The following DLGAP1 variants were observed in gnomAD, a reference collection of about 807,000 sequenced individuals.
DLGAP1 encodes the protein DLG associated protein 1.
Under a neutral mutation model 90.8 loss-of-function variants are expected in DLGAP1, and 11 were observed. The observed-to-expected ratio is 0.12, with a 90% CI of 0.08 to 0.20. DLGAP1 has a LOEUF of 0.20. DLGAP1 is among the 10% of genes least tolerant of loss of function. The pLI is 1.00. For missense variants in DLGAP1, 1,050 were observed against 1,333.8 expected, an observed-to-expected ratio of 0.79 and a Z score of 3.31; for synonymous variants, 558 against 540.7, an observed-to-expected ratio of 1.03 and a Z score of -0.44.
Position 4,298,202 on chromosome 18 carries a change from C to A in DLGAP1, c.-266-146915G>T, listed in dbSNP as rs548182179. Among the ~76,000 whole-genome samples the A allele has an allele frequency of 2.0e-5, 3 of 152,246 alleles. No homozygotes were observed. The East Asian group carries it at 5.8e-4, about 29-fold the overall frequency. ...GAACCTGAATATACTAAAAGTCAGC[C>A]CTTTCTAGATGCGAGGTTTGCATCC... On this transcript the variant is annotated intron_variant, in intron 1 of 12. Transcript: ENST00000315677.
At chr18:4,255,501 GA>G (rs57248045) in intron 1 of DLGAP1, among the ~76,000 whole-genome samples, 9,802 of 134,950 alleles carry the variant, frequency 0.073, 778 homozygotes, top group African/African-American at 0.24. Context: ...ATATACAGAT[GA>G]AAAAAAAAAT....
At chr18:4,417,651 G>A (rs2082930291) in intron 1 of DLGAP1, among the ~76,000 whole-genome samples, 1 of 152,170 alleles carries the variant, frequency 6.6e-6, no homozygotes, top group Non-Finnish European at 1.5e-5. Context: ...CCAGAGTGAA[G>A]GGCAATTAAC....
At chr18:4,375,360 G>A (rs962027315) in intron 1 of DLGAP1, among the ~76,000 whole-genome samples, 2 of 152,056 alleles carry the variant, frequency 1.3e-5, no homozygotes, top group South Asian at 4.1e-4. Flanking sequence ...CACCCAACTT[G>A]AGCTTCAACA....
At chr18:3,586,954 A>G (rs928171730) in intron 7 of DLGAP1, among the ~76,000 whole-genome samples, 1 of 152,246 alleles carries the variant, frequency 6.6e-6, no homozygotes, top group Non-Finnish European at 1.5e-5. Flanking sequence ...ACCAGCCAAT[A>G]TGTTTGTCTT....
chr18:3,795,319 CTCTTT>C (rs1157776877), intron 5 of DLGAP1, among the ~76,000 whole-genome samples: 1 of 152,008 alleles, frequency 6.6e-6, no homozygotes, highest in Non-Finnish European at 1.5e-5. Flanking sequence ...GTTTTCTTTT[CTCTTT>C]TCTTTTTTTT....
At chr18:4,130,443 T>G (rs775023094) in intron 2 of DLGAP1, among the ~76,000 whole-genome samples, 2 of 152,210 alleles carry the variant, frequency 1.3e-5, no homozygotes, top group Non-Finnish European at 2.9e-5. Flanking sequence ...GACATCTAGA[T>G]GTGATTAGAA....
chr18:4,452,627 T>A (rs1335691008), intron 1 of DLGAP1, among the ~76,000 whole-genome samples: 1 of 152,150 alleles, frequency 6.6e-6, no homozygotes, highest in Non-Finnish European at 1.5e-5. Context: ...CTACAATTAG[T>A]TTTAGGCTAT....
chr18:3,797,540 C>T (rs1476571212), intron 5 of DLGAP1, among the ~76,000 whole-genome samples: 1 of 152,066 alleles, frequency 6.6e-6, no homozygotes, highest in Non-Finnish European at 1.5e-5. Context: ...CCTGAGAATA[C>T]TACCAGATGT....
intron 12 of DLGAP1, chr18:3,502,275 T>A: frequency 1.5e-6 from 2 of 1,338,882 alleles, no homozygotes; most frequent in Non-Finnish European, 1.9e-6. Context: ...CATTTTCCAA[T>A]TCACAAAGAC....
intron 3 of DLGAP1, among the ~76,000 whole-genome samples, chr18:3,966,918 C>A (rs2073344109): frequency 1.3e-5 from 2 of 152,060 alleles, no homozygotes; most frequent in African/African-American, 4.8e-5. Flanking sequence ...AGAAGGTCAT[C>A]AGGAAAAGAG....
chr18:3,959,669 A>AAAAGAAAGAAAG lies in DLGAP1; in HGVS notation c.-73+45435_-73+45446dup, dbSNP rs35192992. 5.6e-4 allele frequency among the ~76,000 whole-genome samples: 83 copies of AAAAGAAAGAAAG among 149,316 alleles called. No homozygotes were observed. The South Asian group carries it at 6.7e-3, about 12-fold the overall frequency. On this transcript the variant is annotated intron_variant, in intron 3 of 12. Coordinates refer to ENST00000315677, the MANE Select transcript of DLGAP1 (RefSeq NM_004746.4). ...ACAGAGCGAGACTCTGTCTCAAAAA[A>AAAAGAAAGAAAG]AAAGAAAGAAAGAAAGAAAGAAAGA...
chr18:4,073,158 C>T (rs779692744), intron 2 of DLGAP1, among the ~76,000 whole-genome samples: 7 of 152,114 alleles, frequency 4.6e-5, no homozygotes, highest in Non-Finnish European at 8.8e-5. Flanking sequence ...CTTAGAAAAA[C>T]GGGATGACAT....
chr18:3,539,104 C>A (rs1420317302), intron 9 of DLGAP1, among the ~76,000 whole-genome samples: 1 of 152,228 alleles, frequency 6.6e-6, no homozygotes, highest in Non-Finnish European at 1.5e-5. Context: ...TTCTTCTACT[C>A]AGAGCTTTCA....
chr18:3,686,921 G>A lies in DLGAP1; in HGVS notation c.1591+42214C>T, dbSNP rs140866721. 9.2e-5 allele frequency among the ~76,000 whole-genome samples: 14 copies of A among 152,266 alleles called. No individual in the cohort carries two copies. In the East Asian group the frequency reaches 1.7e-3, roughly 19 times the overall value. On this transcript the variant is annotated intron_variant, in intron 7 of 12. Transcript: ENST00000315677. ...GATCCTGAGGTGGTGAGATTATCCCGGATTATTAGGGTGGGCCTAATGTCA... is the reference window on the plus strand; with the variant it reads ...GATCCTGAGGTGGTGAGATTATCCCAGATTATTAGGGTGGGCCTAATGTCA...
intron 1 of DLGAP1, among the ~76,000 whole-genome samples, chr18:4,349,979 G>C (rs1176028216): frequency 6.6e-6 from 1 of 152,142 alleles, no homozygotes. Context: ...TTTTGTCTCA[G>C]TTTTCATAGT....
chr18:4,430,731 C>T (rs2144748759), intron 1 of DLGAP1: 1 of 152,252 alleles, frequency 6.6e-6, no homozygotes, highest in East Asian at 1.9e-4. Flanking sequence ...GGGACCAGCA[C>T]TTGCCAAGGC....
At chr18:4,314,559 T>C (rs924838207) in intron 1 of DLGAP1, among the ~76,000 whole-genome samples, 1 of 152,216 alleles carries the variant, frequency 6.6e-6, no homozygotes, top group African/African-American at 2.4e-5. Flanking sequence ...ATATAATTAA[T>C]TCTATAAAGT....
chr18:4,020,194 G>A (rs1445482911), intron 2 of DLGAP1, among the ~76,000 whole-genome samples: 1 of 152,162 alleles, frequency 6.6e-6, no homozygotes, highest in East Asian at 1.9e-4. Context: ...TGTTAATGCT[G>A]GAGGGGTATT....
At chr18:3,859,809 T>C (rs1224175669) in intron 4 of DLGAP1, among the ~76,000 whole-genome samples, 1 of 151,940 alleles carries the variant, frequency 6.6e-6, no homozygotes, top group African/African-American at 2.4e-5. Context: ...GATAATAAAT[T>C]TGCGTTGTGG....
Sources: gnomAD v4.1 joint callset for allele counts (sites outside exome capture counted in the v4.1 genomes callset) on GRCh38, gnomAD v4.1.1 for gene constraint, MANE v1.5 for transcripts, NCBI Gene and HGNC (gene_info 2026-07-23, HGNC 2026-07-21) for gene names.